Variants in MAGI2 observed in about 807,000 individuals in gnomAD.
MAGI2 encodes membrane associated guanylate kinase, WW and PDZ domain containing 2.
Under a neutral mutation model 133.3 loss-of-function variants are expected in MAGI2, and 35 were observed. That is an observed-to-expected ratio of 0.26 (90% confidence interval 0.20 to 0.35). MAGI2 has a LOEUF of 0.35. Ranked by LOEUF, MAGI2 falls within the 10% of genes least tolerant of loss-of-function variation. MAGI2 has a pLI of 1.00. For synonymous variants in MAGI2, 729 were observed against 710.6 expected, an observed-to-expected ratio of 1.03 and a Z score of -0.41; for missense variants, 1,636 against 1,863.4, an observed-to-expected ratio of 0.88 and a Z score of 2.25.
intron 1 of MAGI2, among the ~76,000 whole-genome samples, chr7:79,136,053 GAAAGAAAGAAAGAAGGAAAGAAA>G (rs1821469486): frequency 7.7e-6 from 1 of 129,694 alleles, no homozygotes; most frequent in East Asian, 2.2e-4. Context: ...AAGAAGGAAA[GAAAGAAAGAAAGAAGGAAAGAAA>G]GAAAGAAAGA....
intron 2 of MAGI2, among the ~76,000 whole-genome samples, chr7:78,977,708 C>A (rs1459811762): frequency 6.6e-6 from 1 of 151,658 alleles, no homozygotes; most frequent in Non-Finnish European, 1.5e-5. Context: ...ATTTAAAACT[C>A]CTTATCTATG....
intron 2 of MAGI2, among the ~76,000 whole-genome samples, chr7:78,682,841 C>T (rs321970): frequency 0.74 from 112,679 of 152,070 alleles, 41,961 homozygotes; most frequent in East Asian, 0.96. Context: ...GGTAACTTTT[C>T]CTTTTCTTTA....
intron 9 of MAGI2, among the ~76,000 whole-genome samples, chr7:78,321,035 T>C (rs1787947111): frequency 6.6e-6 from 1 of 151,990 alleles, no homozygotes; most frequent in African/African-American, 2.4e-5. Context: ...ACAAAGAGAA[T>C]AAAATACATA....
At chr7:78,315,516 C>T (rs1209276533) in intron 9 of MAGI2, among the ~76,000 whole-genome samples, 1 of 152,080 alleles carries the variant, frequency 6.6e-6, no homozygotes, top group Admixed American at 6.5e-5. Flanking sequence ...ATTACTAGTC[C>T]ACTGAGCCCA....
intron 1 of MAGI2, among the ~76,000 whole-genome samples, chr7:79,260,695 C>T (rs1049741337): frequency 3.9e-5 from 6 of 152,220 alleles, no homozygotes; most frequent in African/African-American, 1.2e-4. Flanking sequence ...CTTTATTTCA[C>T]GCACGAAAGT....
At chr7:78,630,485 C>T (rs1190052197) in intron 2 of MAGI2, among the ~76,000 whole-genome samples, 7 of 140,522 alleles carry the variant, frequency 5.0e-5, no homozygotes, top group East Asian at 2.2e-4. Context: ...GGTGTGATCA[C>T]GGCTCACTGC....
At chr7:79,282,164 C>T (rs997579181) in intron 1 of MAGI2, among the ~76,000 whole-genome samples, 1 of 152,116 alleles carries the variant, frequency 6.6e-6, no homozygotes, top group Non-Finnish European at 1.5e-5. Flanking sequence ...TAACAGCATT[C>T]GTCTCATTAA....
intron 1 of MAGI2, among the ~76,000 whole-genome samples, chr7:79,197,551 T>A (rs150392200): frequency 1.7e-3 from 265 of 152,178 alleles, no homozygotes; most frequent in Middle Eastern, 0.017. Flanking sequence ...GATATGTTGG[T>A]CTACATCTGG....
intron 2 of MAGI2, among the ~76,000 whole-genome samples, chr7:78,783,301 A>G (rs150500655): frequency 1.6e-4 from 24 of 152,204 alleles, no homozygotes; most frequent in Non-Finnish European, 3.1e-4. Flanking sequence ...TAACAAAACA[A>G]ACAACTTTTA....
At chr7:78,379,085 G>C (rs1200665497) in intron 6 of MAGI2, among the ~76,000 whole-genome samples, 2 of 151,744 alleles carry the variant, frequency 1.3e-5, no homozygotes, top group African/African-American at 4.8e-5. Flanking sequence ...GAAGTTATCA[G>C]TACAAAGACA....
intron 20 of MAGI2, among the ~76,000 whole-genome samples, chr7:78,091,882 A>C (rs1817248825): frequency 6.6e-6 from 1 of 152,262 alleles, no homozygotes; most frequent in African/African-American, 2.4e-5. Context: ...ATGTGTTGCA[A>C]ATAGCTTTAA....
intron 1 of MAGI2, among the ~76,000 whole-genome samples, chr7:79,327,652 T>C (rs1839792617): frequency 6.6e-6 from 1 of 151,978 alleles, no homozygotes. Context: ...AAAGGAATAC[T>C]ATATGGGTAA....
intron 2 of MAGI2, among the ~76,000 whole-genome samples, chr7:78,855,691 T>G (rs1793571883): frequency 2.0e-5 from 3 of 152,222 alleles, no homozygotes. Context: ...TCTTTGCTAT[T>G]GTGAATAGTG....
intron 6 of MAGI2, among the ~76,000 whole-genome samples, chr7:78,386,697 A>G (rs1295656973): frequency 6.6e-6 from 1 of 152,176 alleles, no homozygotes; most frequent in African/African-American, 2.4e-5. Flanking sequence ...GACTGTGTGT[A>G]TATCATATTG....
intron 1 of MAGI2, among the ~76,000 whole-genome samples, chr7:79,185,908 T>A (rs934322075): frequency 6.6e-6 from 1 of 151,754 alleles, no homozygotes; most frequent in Non-Finnish European, 1.5e-5. Flanking sequence ...AACTTGTTGC[T>A]GACACATCAG....
chr7:78,694,134 T>C (rs556268073), intron 2 of MAGI2, among the ~76,000 whole-genome samples: 1 of 152,078 alleles, frequency 6.6e-6, no homozygotes, highest in East Asian at 1.9e-4. Context: ...ATAACCATTT[T>C]GTAGGGTTGT....
At chr7:78,840,554 T>A (rs1165906126) in intron 2 of MAGI2, among the ~76,000 whole-genome samples, 1 of 152,022 alleles carries the variant, frequency 6.6e-6, no homozygotes, top group Non-Finnish European at 1.5e-5. Flanking sequence ...TGATTCAATC[T>A]ATTTAGAGAA....
At chr7:79,268,458 T>C (rs1177911258) in intron 1 of MAGI2, among the ~76,000 whole-genome samples, 1 of 152,234 alleles carries the variant, frequency 6.6e-6, no homozygotes, top group Non-Finnish European at 1.5e-5. Flanking sequence ...TTTATAAATA[T>C]GTAGCTTTCC....
At position 79,245,478 on chromosome 7, in the gene MAGI2, T is replaced by C. The variant is rs548184838; in HGVS notation, c.301+207542A>G. Reference sequence around the variant, plus strand: ...GGGCCCTTGGTCCTTGAATGAACATTGGCAGTAGCCAGGCAGTACTCTCTA... The same window carrying C: ...GGGCCCTTGGTCCTTGAATGAACATCGGCAGTAGCCAGGCAGTACTCTCTA... On this transcript the variant is annotated intron_variant, in intron 1 of 21. Coordinates refer to ENST00000354212, the MANE Select transcript of MAGI2 (RefSeq NM_012301.4). 2.6e-5 allele frequency among the ~76,000 whole-genome samples: 4 copies of C among 152,282 alleles called. No homozygotes were observed. The South Asian group carries it at 8.3e-4, about 32-fold the overall frequency.
Sources: allele counts gnomAD v4.1 joint callset (sites outside exome capture counted in the v4.1 genomes callset), GRCh38; gene constraint gnomAD v4.1.1; transcripts MANE v1.5; gene names NCBI Gene and HGNC (gene_info 2026-07-23, HGNC 2026-07-21).